Variants in LUZP2 observed in about 807,000 individuals in gnomAD.
LUZP2 encodes leucine zipper protein 2.
In LUZP2, 52 loss-of-function variants were observed where a neutral mutation model predicts 51.6. That is an observed-to-expected ratio of 1.01 (90% CI 0.81 to 1.27). The LOEUF is 1.27. Among genes scored for constraint, LUZP2 ranks in the 50% most tolerant of loss-of-function variants. LUZP2 has a pLI of 0.00. For synonymous variants in LUZP2, 154 were observed against 137.3 expected, an observed-to-expected ratio of 1.12 and a Z score of -0.85; for missense variants, 436 against 395.4, an observed-to-expected ratio of 1.10 and a Z score of -0.87.
intron 1 of LUZP2, among the ~76,000 whole-genome samples, chr11:24,559,643 T>C (rs527281495): frequency 6.6e-6 from 1 of 152,328 alleles, no homozygotes; most frequent in East Asian, 1.9e-4. Flanking sequence ...TAGGTTTAAA[T>C]AAGTGACAGA....
rs1017001695 is a variant in LUZP2 at position 24,876,955 on chromosome 11, G to A, written c.397-29036G>A. 3.8e-4 allele frequency among the ~76,000 whole-genome samples: 58 copies of A among 152,126 alleles called. 1 individual carries two copies. The highest frequency in any genetic ancestry group is 1.3e-4 in the Admixed American group (2 of 15,262). ...GTTCTTAACACCTTCAAGTAACAGA[G>A]TCACAACACCTGACTTTATGTCAGA... is the stretch of plus-strand genomic sequence containing the variant. On this transcript the variant is annotated intron_variant, in intron 5 of 11. Coordinates refer to ENST00000336930, the MANE Select transcript of LUZP2 (RefSeq NM_001009909.4).
intron 1 of LUZP2, among the ~76,000 whole-genome samples, chr11:24,605,790 A>G (rs1853896845): frequency 6.6e-6 from 1 of 151,816 alleles, no homozygotes; most frequent in Non-Finnish European, 1.5e-5. Context: ...TTATCATGCA[A>G]TATGTTAGGT....
chr11:24,967,561 A>T (rs564873979), intron 7 of LUZP2, among the ~76,000 whole-genome samples: 1 of 151,592 alleles, frequency 6.6e-6, no homozygotes, highest in Admixed American at 6.6e-5. Context: ...GGCCCTGTTC[A>T]TGTTTCTTCA....
At chr11:24,794,540 A>G (rs891125053) in intron 5 of LUZP2, among the ~76,000 whole-genome samples, 1 of 152,182 alleles carries the variant, frequency 6.6e-6, no homozygotes, top group Non-Finnish European at 1.5e-5. Context: ...GGGAAATATT[A>G]ACTTATTAAA....
At chr11:24,959,523 A>C (rs1476954700) in intron 7 of LUZP2, among the ~76,000 whole-genome samples, 1 of 152,130 alleles carries the variant, frequency 6.6e-6, no homozygotes, top group Non-Finnish European at 1.5e-5. Context: ...AGCAATTGTG[A>C]ATGGGAGTTC....
At chr11:24,637,932 A>G (rs1329280633) in intron 1 of LUZP2, among the ~76,000 whole-genome samples, 14 of 151,710 alleles carry the variant, frequency 9.2e-5, no homozygotes, top group Admixed American at 2.0e-4. Context: ...TAAAATCCCT[A>G]ATAAAAACTT....
intron 5 of LUZP2, among the ~76,000 whole-genome samples, chr11:24,826,190 A>AATACATATAT (rs1554916388): frequency 1.5e-5 from 1 of 67,536 alleles, no homozygotes; most frequent in Non-Finnish European, 2.6e-5. Context: ...AAAAAAAAAA[A>AATACATATAT]ATATATATAT....
chr11:24,762,211 C>G (rs572235269), intron 4 of LUZP2, among the ~76,000 whole-genome samples: 1 of 152,242 alleles, frequency 6.6e-6, no homozygotes, highest in East Asian at 1.9e-4. Context: ...ATGACTCAGT[C>G]TATCTTCAGA....
At chr11:24,511,164 A>G (rs1850297584) in intron 1 of LUZP2, among the ~76,000 whole-genome samples, 1 of 152,062 alleles carries the variant, frequency 6.6e-6, no homozygotes, top group Non-Finnish European at 1.5e-5. Flanking sequence ...TGTTTATGTA[A>G]TTCTCTGCTA....
intron 1 of LUZP2, among the ~76,000 whole-genome samples, chr11:24,574,123 CCTTTCCTTTCTCTTT>C (rs1294884929): frequency 2.7e-5 from 4 of 150,760 alleles, no homozygotes; most frequent in African/African-American, 9.7e-5. Flanking sequence ...CTTCCTTCTT[CCTTTCCTTTCTCTTT>C]CTTTCCTTCC....
At chr11:24,873,188 A>C (rs4133672) in intron 5 of LUZP2, among the ~76,000 whole-genome samples, 81,390 of 151,986 alleles carry the variant, frequency 0.54, 22,028 homozygotes, top group East Asian at 0.76. Context: ...CAAGAAGAAT[A>C]AAATGTGGTC....
intron 1 of LUZP2, among the ~76,000 whole-genome samples, chr11:24,510,070 T>C (rs1332289629): frequency 2.0e-5 from 3 of 152,130 alleles, no homozygotes; most frequent in African/African-American, 4.8e-5. Context: ...ATTTTATAGA[T>C]GGAGAGAATT....
In LUZP2 at chr11:24,563,554, G is replaced by A. The variant is rs78059216; in HGVS notation, c.62+66249G>A. ...AATAAGTACGATTCTATCAAATTTC[G>A]TATAGTTTAGTTACATCATGCTTTC... On this transcript the variant is annotated intron_variant, in intron 1 of 11. Transcript: ENST00000336930. Among the ~76,000 whole-genome samples the A allele has an allele frequency of 3.4e-4, 51 of 151,958 alleles. 3 individuals are homozygous for A. The East Asian group carries it at 8.7e-3, about 26-fold the overall frequency.
intron 1 of LUZP2, among the ~76,000 whole-genome samples, chr11:24,644,439 C>T (rs3903036): frequency 0.23 from 35,083 of 151,842 alleles, 4,308 homozygotes; most frequent in African/African-American, 0.31. Context: ...TCCTCCTGTT[C>T]GTGCTGCATC....
intron 5 of LUZP2, among the ~76,000 whole-genome samples, chr11:24,794,711 T>C (rs1849503331): frequency 6.6e-6 from 1 of 152,138 alleles, no homozygotes; most frequent in Non-Finnish European, 1.5e-5. Context: ...GCCTTTCTTT[T>C]ACATGTAATA....
chr11:24,558,177 C>T (rs1851928321), intron 1 of LUZP2, among the ~76,000 whole-genome samples: 2 of 152,066 alleles, frequency 1.3e-5, no homozygotes, highest in African/African-American at 2.4e-5. Context: ...CTCTGGGGCT[C>T]ACACCAGTGG....
chr11:24,803,105 A>G (rs535523278), intron 5 of LUZP2, among the ~76,000 whole-genome samples: 42 of 152,172 alleles, frequency 2.8e-4, no homozygotes, highest in African/African-American at 1.0e-3. Flanking sequence ...AATGGGGGAA[A>G]ATATTTGCAA....
intron 9 of LUZP2, among the ~76,000 whole-genome samples, chr11:24,984,893 T>C (rs1419692785): frequency 6.6e-6 from 1 of 151,534 alleles, no homozygotes. Context: ...CTCTTGGCCC[T>C]TGGTCATCCC....
chr11:24,572,413 A>G (rs749298377), intron 1 of LUZP2, among the ~76,000 whole-genome samples: 80 of 152,088 alleles, frequency 5.3e-4, no homozygotes, highest in Non-Finnish European at 1.3e-4. Flanking sequence ...CACAGAAGAC[A>G]TTTTACTCCA....
Sources: allele counts gnomAD v4.1 joint callset (sites outside exome capture counted in the v4.1 genomes callset), GRCh38; gene constraint gnomAD v4.1.1; transcripts MANE v1.5; gene names NCBI Gene and HGNC (gene_info 2026-07-23, HGNC 2026-07-21).